SKAP2: variants seen among roughly 807,000 people sequenced by gnomAD.
SKAP2 encodes src kinase-associated phosphoprotein 2.
In SKAP2, 28 loss-of-function variants were observed where a neutral mutation model predicts 54.9. The observed-to-expected ratio is 0.51, with a 90% CI of 0.38 to 0.70. The LOEUF (loss-of-function observed/expected upper bound fraction) is 0.70, where lower values mean the gene tolerates loss of function less well. SKAP2 is among the 30% of genes least tolerant of loss of function. The probability of loss-of-function intolerance (pLI) is 0.00; values close to 1 mark genes in which losing one functional copy is unlikely to be tolerated. For missense variants in SKAP2, 356 were observed against 424.1 expected (o/e 0.84, Z 1.41); for synonymous variants, 137 against 134.3 (o/e 1.02, Z -0.14).
At chr7:26,854,288 T>G (rs1336467721) in intron 2 of SKAP2, 126 bp from the exon 3 acceptor site, 1 of 543,512 alleles carries the variant, frequency 1.8e-6, no homozygotes, top group Non-Finnish European at 3.2e-6. Context: ...AGAAAAAAAC[T>G]AATTCCTGTC....
At chr7:26,817,805 A>G (rs1029948520) in intron 4 of SKAP2, among the ~76,000 whole-genome samples, 5 of 152,156 alleles carry the variant, frequency 3.3e-5, no homozygotes, top group Admixed American at 2.6e-4. Context: ...AGACAAACAG[A>G]GAGCCAAATC....
chr7:26,848,658 T>C (rs10272603), intron 3 of SKAP2, among the ~76,000 whole-genome samples: 32,246 of 152,104 alleles, frequency 0.21, 3,512 homozygotes, highest in Non-Finnish European at 0.24. Flanking sequence ...GGAAGACAAA[T>C]GGGGAAAAAT....
intron 9 of SKAP2, among the ~76,000 whole-genome samples, chr7:26,703,127 G>A (rs1787079033): frequency 1.3e-5 from 2 of 152,130 alleles, no homozygotes; most frequent in Admixed American, 6.5e-5. Flanking sequence ...CCGTATCTTC[G>A]AAGGCACAGG....
Position 26,864,353 on chromosome 7 carries a change from C to T in SKAP2, c.67+10G>A. The T allele has an allele frequency of 1.2e-6, 2 of 1,613,812 alleles. No homozygotes were observed. Among genetic ancestry groups the T allele is most frequent in the South Asian group, 2.2e-5 (2 of 91,074 alleles). On this transcript the variant is annotated intron_variant, in intron 1 of 12. Transcript: ENST00000345317. ...CCCGACAGCATTATCGCCGCCTTCCCGCTCTTTACCTGCCAACAGGTTCCT... is the reference window on the plus strand; with the variant it reads ...CCCGACAGCATTATCGCCGCCTTCCTGCTCTTTACCTGCCAACAGGTTCCT...
chr7:26,855,249 T>C (rs990486353), intron 1 of SKAP2: 1 of 159,616 alleles, frequency 6.3e-6, no homozygotes, highest in African/African-American at 2.4e-5. Flanking sequence ...TAAGCATGTG[T>C]TAATATCATT....
intron 4 of SKAP2, among the ~76,000 whole-genome samples, chr7:26,765,571 A>G (rs1435615322): frequency 6.6e-6 from 1 of 152,138 alleles, no homozygotes; most frequent in Admixed American, 6.5e-5. Context: ...GGTGTTGCCT[A>G]GGTTTTCTTC....
At chr7:26,721,635 C>T (rs750105233) in intron 9 of SKAP2, among the ~76,000 whole-genome samples, 1 of 152,192 alleles carries the variant, frequency 6.6e-6, no homozygotes, top group Non-Finnish European at 1.5e-5. Flanking sequence ...GTCCACTTGC[C>T]AGAAGACATT....
intron 4 of SKAP2, among the ~76,000 whole-genome samples, chr7:26,836,699 G>C (rs1584418701): frequency 1.3e-5 from 2 of 152,194 alleles, no homozygotes; most frequent in South Asian, 4.1e-4. Context: ...AGATGCTGGA[G>C]AGGATGTGGA....
chr7:26,690,136 C>T, intron 10 of SKAP2, 149 bp downstream of exon 10: 1 of 602,236 alleles, frequency 1.7e-6, no homozygotes, highest in Non-Finnish European at 3.0e-6. Context: ...CTAAATGGGA[C>T]TAAGCAGCTT....
At chr7:26,718,736 C>T (rs919836134) in intron 9 of SKAP2, among the ~76,000 whole-genome samples, 7 of 152,258 alleles carry the variant, frequency 4.6e-5, no homozygotes, top group African/African-American at 1.4e-4. Context: ...AATCTCTTGA[C>T]CTTGTGATCT....
chr7:26,814,174 T>C (rs1488715199), intron 4 of SKAP2, among the ~76,000 whole-genome samples: 1 of 152,230 alleles, frequency 6.6e-6, no homozygotes, highest in Non-Finnish European at 1.5e-5. Context: ...TGTAGGAAAC[T>C]GTGAGAACAT....
intron 4 of SKAP2, among the ~76,000 whole-genome samples, chr7:26,819,646 C>T (rs1784351543): frequency 6.6e-6 from 1 of 151,966 alleles, no homozygotes; most frequent in Non-Finnish European, 1.5e-5. Flanking sequence ...TAACACTAAT[C>T]ACGTTCTGAA....
chr7:26,683,071 T>C (rs889364374), intron 11 of SKAP2, among the ~76,000 whole-genome samples: 2 of 152,194 alleles, frequency 1.3e-5, no homozygotes, highest in Admixed American at 1.3e-4. Context: ...ATAATAGCTA[T>C]ATGCCACTCA....
At chr7:26,691,363 T>C (rs1786775629) in intron 9 of SKAP2, among the ~76,000 whole-genome samples, 1 of 152,064 alleles carries the variant, frequency 6.6e-6, no homozygotes, top group Non-Finnish European at 1.5e-5. Flanking sequence ...CTAGAAATAC[T>C]TAAGGCAGGA....
intron 4 of SKAP2, among the ~76,000 whole-genome samples, chr7:26,763,622 A>G (rs1281875502): frequency 6.6e-6 from 1 of 152,164 alleles, no homozygotes; most frequent in Non-Finnish European, 1.5e-5. Flanking sequence ...TTTAACATCT[A>G]TAGATTTAGA....
At chr7:26,802,723 A>C (rs551024994) in intron 4 of SKAP2, among the ~76,000 whole-genome samples, 1 of 152,164 alleles carries the variant, frequency 6.6e-6, no homozygotes, top group African/African-American at 2.4e-5. Context: ...TCTACTAAAA[A>C]TACAAAAATT....
intron 4 of SKAP2, among the ~76,000 whole-genome samples, chr7:26,797,094 G>A (rs1392848675): frequency 6.6e-6 from 1 of 152,224 alleles, no homozygotes; most frequent in Non-Finnish European, 1.5e-5. Context: ...CCTAATTCCT[G>A]GATGGTACTT....
In SKAP2 at chr7:26,699,833, C is replaced by A. The variant is rs573416146; in HGVS notation, c.797-9471G>T. On this transcript the variant is annotated intron_variant, in intron 9 of 12. Transcript: ENST00000345317. ...TCCACCACATGAAAAAAAATGATAT[C>A]CTGCTAACCTAGAACACTATTTGAT... Among the ~76,000 whole-genome samples, 39 of 152,176 alleles carry A rather than the reference C, an allele frequency of 2.6e-4. No homozygotes were observed. The South Asian group carries it at 7.9e-3, about 31-fold the overall frequency.
chr7:26,858,304 GAA>G (rs1288225585), intron 1 of SKAP2: 1 of 152,422 alleles, frequency 6.6e-6, no homozygotes, highest in African/African-American at 2.4e-5. Context: ...TCATCAGCAG[GAA>G]AAAGTTATCC....
Sources: allele counts gnomAD v4.1 joint callset (sites outside exome capture counted in the v4.1 genomes callset), GRCh38; gene constraint gnomAD v4.1.1; transcripts MANE v1.5; gene names NCBI Gene and HGNC (gene_info 2026-07-23, HGNC 2026-07-21).